The following STRN variants were observed in gnomAD, a reference collection of about 807,000 sequenced individuals.
STRN encodes protein phosphatase 2 regulatory subunit B'''alpha.
In STRN, 53 loss-of-function variants were observed where a neutral mutation model predicts 96.3. The observed-to-expected ratio is 0.55, with a 90% confidence interval of 0.44 to 0.69. The LOEUF (loss-of-function observed/expected upper bound fraction) is 0.69, where lower values mean the gene tolerates loss of function less well. Among genes scored for constraint, STRN ranks in the 30% least tolerant of loss-of-function variants. STRN has a pLI of 0.00. For synonymous variants in STRN, 428 were observed against 355.9 expected (o/e 1.20, Z -2.28); for missense variants, 987 against 963.9 (o/e 1.02, Z -0.32).
intron 12 of STRN, among the ~76,000 whole-genome samples, chr2:36,861,612 G>C (rs1184260082): frequency 6.6e-6 from 1 of 152,136 alleles, no homozygotes; most frequent in African/African-American, 2.4e-5. Context: ...CTAACAGCCT[G>C]AGTCAGATAT....
At chr2:36,960,683 G>A (rs1200415538) in intron 1 of STRN, among the ~76,000 whole-genome samples, 1 of 151,996 alleles carries the variant, frequency 6.6e-6, no homozygotes, top group Non-Finnish European at 1.5e-5. Context: ...TGTATTTTAG[G>A]CGTAAAATAC....
chr2:36,914,396 C>T (rs192818122), intron 3 of STRN, among the ~76,000 whole-genome samples: 1 of 152,202 alleles, frequency 6.6e-6, no homozygotes, highest in Non-Finnish European at 1.5e-5. Flanking sequence ...ATTAAAATCA[C>T]TCCTTTGAGT....
In STRN at chr2:36,902,011, T is replaced by C. The variant is rs889624654; in HGVS notation, c.659+573A>G. On this transcript the variant is annotated intron_variant, in intron 5 of 17. Coordinates refer to ENST00000263918, the MANE Select transcript of STRN (RefSeq NM_003162.4). ...TTTTTCCCAATAAATAAGAATCTCT[T>C]TATTGAACTGTTTATGATTATTTTA... 2.0e-5 allele frequency among the ~76,000 whole-genome samples: 3 copies of C among 152,216 alleles called. No homozygotes were observed. In the East Asian group the frequency reaches 5.8e-4, roughly 29 times the overall value.
rs189184907 is a variant in STRN at position 36,863,421 on chromosome 2, T to C, written c.1548-2168A>G. 7.9e-5 allele frequency among the ~76,000 whole-genome samples: 12 copies of C among 152,354 alleles called. No individual in the cohort carries two copies. In the East Asian group the frequency reaches 2.1e-3, roughly 27 times the overall value. On this transcript the variant is annotated intron_variant, in intron 12 of 17. Coordinates refer to ENST00000263918, the MANE Select transcript of STRN (RefSeq NM_003162.4). ...TAGCCATTTATCCCAGCATCATTTA[T>C]TGAATAGGGAGTCCTTTCCCCATTG... is the stretch of plus-strand genomic sequence containing the variant.
Position 36,916,091 on chromosome 2 carries a change from T to C in STRN, c.399A>G (p.Pro133=). 1 of 1,613,316 alleles carries C rather than the reference T, an allele frequency of 6.2e-7. No homozygotes were observed. Among genetic ancestry groups the C allele is most frequent in the Admixed American group, 1.7e-5 (1 of 59,996 alleles). ...TELNQGDMKP[P]SYDSDEGNET... ...AAATTAGCTTACCAGAATCATAGCTTGGAGGCTTCATATCTCCCTGATTCA... is the reference window on the plus strand; with the variant it reads ...AAATTAGCTTACCAGAATCATAGCTCGGAGGCTTCATATCTCCCTGATTCA... Residue 133 remains proline (P), a synonymous_variant, in exon 3 of 18, where the codon CCA becomes CCG. Coordinates refer to ENST00000263918, the MANE Select transcript of STRN (RefSeq NM_003162.4).
intron 1 of STRN, among the ~76,000 whole-genome samples, chr2:36,928,161 C>T (rs955020013): frequency 6.6e-6 from 1 of 151,916 alleles, no homozygotes; most frequent in African/African-American, 2.4e-5. Context: ...TTCTGTAAAA[C>T]GACCTCAGTC....
At chr2:36,921,392 G>C (rs113538700) in intron 2 of STRN, among the ~76,000 whole-genome samples, 4 of 151,860 alleles carry the variant, frequency 2.6e-5, no homozygotes, top group African/African-American at 9.7e-5. Context: ...TCTACTTCCT[G>C]TCACTCCTTC....
chr2:36,888,639 A>ATGTGTG (rs70946958), intron 7 of STRN, among the ~76,000 whole-genome samples: 15,730 of 145,002 alleles, frequency 0.11, 948 homozygotes, highest in African/African-American at 0.14. Flanking sequence ...TTTAATTTAT[A>ATGTGTG]TGTGTGTGTG....
At chr2:36,876,037 G>A (rs1293921083) in intron 10 of STRN, among the ~76,000 whole-genome samples, 1 of 152,176 alleles carries the variant, frequency 6.6e-6, no homozygotes, top group Non-Finnish European at 1.5e-5. Context: ...GGGAGGCTGA[G>A]GCAGGTGAAC....
At chr2:36,919,990 G>C (rs1323767061) in intron 2 of STRN, among the ~76,000 whole-genome samples, 1 of 152,042 alleles carries the variant, frequency 6.6e-6, no homozygotes, top group Non-Finnish European at 1.5e-5. Context: ...TTTACTTTTG[G>C]ATCCTAAAGT....
intron 11 of STRN, among the ~76,000 whole-genome samples, 170 bp from the exon 12 acceptor site, chr2:36,868,031 A>G (rs948732605): frequency 1.4e-4 from 21 of 152,220 alleles, no homozygotes; most frequent in African/African-American, 5.1e-4. Context: ...CATGGCATCA[A>G]GAAACAAGAT....
chr2:36,954,635 C>T (rs1664840611), intron 1 of STRN, among the ~76,000 whole-genome samples: 1 of 141,284 alleles, frequency 7.1e-6, no homozygotes, highest in African/African-American at 2.6e-5. Context: ...GAGAGAACCA[C>T]TTTTTTTTTT....
intron 1 of STRN, among the ~76,000 whole-genome samples, chr2:36,939,557 A>AT (rs1670793214): frequency 6.6e-6 from 1 of 151,784 alleles, no homozygotes; most frequent in African/African-American, 2.4e-5. Context: ...TATTATTATT[A>AT]TTTTTTGCAG....
intron 1 of STRN, among the ~76,000 whole-genome samples, chr2:36,960,413 G>C (rs1664999756): frequency 6.6e-6 from 1 of 152,138 alleles, no homozygotes; most frequent in Admixed American, 6.5e-5. Flanking sequence ...CATGGCCTCA[G>C]GATGGCACTT....
intron 14 of STRN, among the ~76,000 whole-genome samples, chr2:36,856,617 T>G (rs1036364692): frequency 1.3e-5 from 2 of 152,142 alleles, no homozygotes; most frequent in African/African-American, 4.8e-5. Context: ...AGTGGGTACC[T>G]CTGGCTGGGA....
chr2:36,905,734 T>C (rs1326348154), intron 3 of STRN, 116 bp from the exon 4 acceptor site: 1 of 834,330 alleles, frequency 1.2e-6, no homozygotes, highest in African/African-American at 1.7e-5. Flanking sequence ...AAACTGCAAC[T>C]GTAAGGTATG....
intron 12 of STRN, among the ~76,000 whole-genome samples, chr2:36,864,468 T>C (rs1668571434): frequency 1.3e-5 from 2 of 152,226 alleles, no homozygotes; most frequent in Non-Finnish European, 1.5e-5. Context: ...TATTGATTTG[T>C]GTATACTGAA....
chr2:36,844,539 T>A lies in STRN; in HGVS notation c.*4917A>T, dbSNP rs546768050. Reference sequence around the variant, plus strand: ...ATTTGCATCAGAGAGATGACAAGCATGTGGTCCTGGTTAAATTAAATCTAA... The same window carrying A: ...ATTTGCATCAGAGAGATGACAAGCAAGTGGTCCTGGTTAAATTAAATCTAA... On this transcript the variant is annotated 3_prime_UTR_variant, in exon 18 of 18. Transcript: ENST00000263918. 1.3e-5 allele frequency: 2 copies of A among 152,252 alleles called. No individual in the cohort carries two copies. Among genetic ancestry groups the A allele is most frequent in the South Asian group, 4.1e-4 (2 of 4,828 alleles). 9.4% of individuals were successfully genotyped at this position (152,252 alleles called of 1,614,324 possible).
intron 6 of STRN, among the ~76,000 whole-genome samples, chr2:36,895,086 G>A (rs1237287437): frequency 6.6e-6 from 1 of 152,126 alleles, no homozygotes; most frequent in East Asian, 1.9e-4. Flanking sequence ...CCAGCACTTT[G>A]GGAGGCCGAG....
Sources: allele counts gnomAD v4.1 joint callset (sites outside exome capture counted in the v4.1 genomes callset), GRCh38; gene constraint gnomAD v4.1.1; transcripts MANE v1.5; gene names NCBI Gene and HGNC (gene_info 2026-07-23, HGNC 2026-07-21).